The following ITIH5 variants were observed in gnomAD, a reference collection of about 807,000 sequenced individuals.
ITIH5 encodes inter-alpha-trypsin inhibitor heavy chain H5.
In ITIH5, 65 loss-of-function variants were observed where a neutral mutation model predicts 77.5. The ratio of observed to expected loss-of-function variants is 0.84; its 90% CI spans 0.69 to 1.03. ITIH5 has a LOEUF of 1.03. Among genes scored for constraint, ITIH5 ranks in the 50% least tolerant of loss-of-function variants. ITIH5 has a pLI of 0.00. For synonymous variants in ITIH5, 525 were observed against 494.3 expected (o/e 1.06, Z -0.82); for missense variants, 1,208 against 1,213.1 (o/e 1.00, Z 0.06).
intron 7 of ITIH5, among the ~76,000 whole-genome samples, chr10:7,612,485 A>G (rs1186565467): frequency 6.6e-6 from 1 of 152,196 alleles, no homozygotes; most frequent in Non-Finnish European, 1.5e-5. Context: ...TTTAAAGAAT[A>G]TTTAATGCCA....
At chr10:7,638,519 GC>G (rs1022134395) in intron 4 of ITIH5, among the ~76,000 whole-genome samples, 7 of 152,208 alleles carry the variant, frequency 4.6e-5, no homozygotes, top group African/African-American at 1.4e-4. Context: ...TTGGAGCAAT[GC>G]CTCAAAGTTC....
chr10:7,564,043 G>A (rs1832091855), intron 13 of ITIH5, among the ~76,000 whole-genome samples: 1 of 152,278 alleles, frequency 6.6e-6, no homozygotes, highest in Admixed American at 6.5e-5. Flanking sequence ...AAGCTGGGTA[G>A]AATGGCCCGC....
intron 2 of ITIH5, among the ~76,000 whole-genome samples, chr10:7,643,972 G>A (rs533782304): frequency 7.2e-5 from 11 of 152,322 alleles, no homozygotes; most frequent in African/African-American, 2.6e-4. Flanking sequence ...TGGGCGCGGT[G>A]GCTCACACCT....
intron 7 of ITIH5, among the ~76,000 whole-genome samples, chr10:7,588,754 G>C (rs760620704): frequency 3.9e-5 from 6 of 152,184 alleles, no homozygotes; most frequent in Admixed American, 6.5e-5. Context: ...TGCATTTCCC[G>C]GGAGCTTCCT....
chr10:7,656,308 T>C (rs1834180645), intron 1 of ITIH5, among the ~76,000 whole-genome samples: 1 of 152,162 alleles, frequency 6.6e-6, no homozygotes, highest in Non-Finnish European at 1.5e-5. Flanking sequence ...TCAAACTCCC[T>C]GGCTCAAGCC....
At chr10:7,590,998 G>A (rs1832783243) in intron 7 of ITIH5, among the ~76,000 whole-genome samples, 1 of 152,250 alleles carries the variant, frequency 6.6e-6, no homozygotes, top group Non-Finnish European at 1.5e-5. Flanking sequence ...CCGGGTTCAA[G>A]CGATTCCCCT....
intron 2 of ITIH5, among the ~76,000 whole-genome samples, chr10:7,644,391 TATATCAC>T (rs1486881864): frequency 1.2e-4 from 17 of 145,758 alleles, no homozygotes; most frequent in South Asian, 4.3e-4. Context: ...ATATATCACA[TATATCAC>T]ATATATCACA....
chr10:7,565,702 A>AT lies in ITIH5; in HGVS notation c.2527+327dup, dbSNP rs528120239. ...ATATACACATACATATACAGACTGCATATATAATATATATTATGTATTTAT... is the reference window on the plus strand; with the variant it reads ...ATATACACATACATATACAGACTGCATTATATAATATATATTATGTATTTAT... On this transcript the variant is annotated intron_variant, in intron 13 of 13. Transcript: ENST00000397146. 6.8e-4 allele frequency among the ~76,000 whole-genome samples: 101 copies of AT among 149,010 alleles called. 1 individual carries two copies. Among genetic ancestry groups the AT allele is most frequent in the African/African-American group, 2.5e-3 (101 of 40,920 alleles).
At chr10:7,593,076 G>A (rs1445584645) in intron 7 of ITIH5, among the ~76,000 whole-genome samples, 3 of 152,032 alleles carry the variant, frequency 2.0e-5, no homozygotes, top group African/African-American at 2.4e-5. Context: ...AGAGGGACCC[G>A]CCTAGCTCTT....
intron 7 of ITIH5, among the ~76,000 whole-genome samples, chr10:7,601,209 C>T (rs1304915937): frequency 6.6e-6 from 1 of 152,134 alleles, no homozygotes; most frequent in African/African-American, 2.4e-5. Context: ...ATGACCACAT[C>T]TAAGCAAAAG....
In ITIH5 at chr10:7,563,388, G is replaced by C. The variant is rs746207276; in HGVS notation, c.2528-4C>G. ...GCATCCTGATTCAGGAACTGACCTG[G>C]GAGGACAAGGAAAAGCATCGGGTCT... On this transcript the variant is annotated splice_region_variant and splice_polypyrimidine_tract_variant and intron_variant, in intron 13 of 13. Coordinates refer to ENST00000397146, the MANE Select transcript of ITIH5 (RefSeq NM_030569.7). 1 of 1,607,630 alleles carries C rather than the reference G, an allele frequency of 6.2e-7. No homozygotes were observed.
intron 1 of ITIH5, among the ~76,000 whole-genome samples, chr10:7,658,398 G>A (rs1236741660): frequency 5.3e-5 from 8 of 152,090 alleles, no homozygotes; most frequent in African/African-American, 1.9e-4. Context: ...AATAGTACAG[G>A]ATTTAGGCTG....
intron 7 of ITIH5, among the ~76,000 whole-genome samples, chr10:7,598,917 T>C (rs1179304034): frequency 6.6e-6 from 1 of 152,226 alleles, no homozygotes. Flanking sequence ...TTAATCTTTG[T>C]GTTTGCATAA....
chr10:7,588,121 T>C (rs113556284), intron 7 of ITIH5, among the ~76,000 whole-genome samples: 12,427 of 152,314 alleles, frequency 0.082, 646 homozygotes, highest in South Asian at 0.14. Flanking sequence ...CGGTGGCTCA[T>C]GCCTCTAATC....
chr10:7,655,907 GTCA>G (rs1167541905), intron 1 of ITIH5, among the ~76,000 whole-genome samples: 1 of 152,198 alleles, frequency 6.6e-6, no homozygotes, highest in African/African-American at 2.4e-5. Flanking sequence ...AACCCATAAT[GTCA>G]CACTATCTCA....
chr10:7,605,298 A>G (rs1833101013), intron 7 of ITIH5, among the ~76,000 whole-genome samples: 2 of 151,444 alleles, frequency 1.3e-5, no homozygotes, highest in South Asian at 4.2e-4. Context: ...TTAACTTCTA[A>G]GAGGCCTTTG....
intron 5 of ITIH5, chr10:7,620,076 CAGG>C (rs1395166368): frequency 6.6e-6 from 1 of 151,998 alleles, no homozygotes; most frequent in Non-Finnish European, 1.5e-5. Flanking sequence ...GAGGCTGAGG[CAGG>C]AGAATATCGC....
intron 8 of ITIH5, 53 bp downstream of exon 8, chr10:7,585,848 A>C (rs1372052033): frequency 9.4e-6 from 14 of 1,494,164 alleles, no homozygotes; most frequent in South Asian, 2.6e-5. Flanking sequence ...AAACCAAAAA[A>C]AAAAACATTA....
At chr10:7,651,552 G>A (rs955595562) in intron 2 of ITIH5, among the ~76,000 whole-genome samples, 1 of 152,002 alleles carries the variant, frequency 6.6e-6, no homozygotes, top group African/African-American at 2.4e-5. Flanking sequence ...AGGTTGCAGT[G>A]AGCCGAGATC....
Sources: allele counts gnomAD v4.1 joint callset (sites outside exome capture counted in the v4.1 genomes callset), GRCh38; gene constraint gnomAD v4.1.1; transcripts MANE v1.5; gene names NCBI Gene and HGNC (gene_info 2026-07-23, HGNC 2026-07-21).